The following SEMA6D variants were observed in gnomAD, a reference collection of about 807,000 sequenced individuals.
SEMA6D encodes the protein semaphorin-6D.
In SEMA6D, 35 loss-of-function variants were observed where a neutral mutation model predicts 106.6. The ratio of observed to expected loss-of-function variants is 0.33; its 90% CI spans 0.25 to 0.44. The LOEUF (loss-of-function observed/expected upper bound fraction) is 0.44. SEMA6D is among the 20% of genes least tolerant of loss of function. The pLI, the probability that SEMA6D is intolerant of heterozygous loss-of-function variation, is 1.00. For missense variants in SEMA6D, 1,185 were observed against 1,345.9 expected (o/e 0.88, Z 1.87); for synonymous variants, 499 against 487.7 (o/e 1.02, Z -0.31).
At chr15:47,636,055 A>G (rs2077382889) in intron 4 of SEMA6D, among the ~76,000 whole-genome samples, 2 of 152,172 alleles carry the variant, frequency 1.3e-5, no homozygotes, top group East Asian at 1.9e-4. Context: ...AATGTTCAAC[A>G]TACATAGATT....
intron 3 of SEMA6D, among the ~76,000 whole-genome samples, chr15:47,571,101 G>A (rs1462407590): frequency 6.6e-6 from 1 of 152,066 alleles, no homozygotes; most frequent in African/African-American, 2.4e-5. Flanking sequence ...CTGCCTGCCT[G>A]CAAGCTGTGT....
chr15:47,237,184 T>A (rs2032603875), intron 1 of SEMA6D, among the ~76,000 whole-genome samples: 1 of 152,204 alleles, frequency 6.6e-6, no homozygotes, highest in Non-Finnish European at 1.5e-5. Flanking sequence ...GTTCTCACTG[T>A]GGTCATACTT....
At position 47,210,037 on chromosome 15, in the gene SEMA6D, A is replaced by C. The variant is rs1255413092; in HGVS notation, c.-239+25619A>C. ...AATGATATAAGAAGTCTTTACTTCC[A>C]ATAGATGTCCTATTTCTGGAAAGAT... On this transcript the variant is annotated intron_variant, in intron 1 of 19. Transcript: ENST00000558014. Among the ~76,000 whole-genome samples the C allele has an allele frequency of 5.9e-5, 9 of 152,216 alleles. No individual in the cohort carries two copies. In the East Asian group the frequency reaches 1.7e-3, roughly 29 times the overall value.
intron 4 of SEMA6D, among the ~76,000 whole-genome samples, chr15:47,626,007 C>T (rs1388887047): frequency 2.0e-5 from 3 of 152,032 alleles, no homozygotes; most frequent in Admixed American, 6.6e-5. Context: ...TATGAAAAGC[C>T]AGGAAGGGGG....
At chr15:47,463,754 C>T (rs2042582653) in intron 2 of SEMA6D, among the ~76,000 whole-genome samples, 1 of 152,178 alleles carries the variant, frequency 6.6e-6, no homozygotes, top group Non-Finnish European at 1.5e-5. Flanking sequence ...ACTTTATTCT[C>T]TCCCAGTTCT....
chr15:47,340,445 C>G (rs2037769597), intron 1 of SEMA6D, among the ~76,000 whole-genome samples: 1 of 152,148 alleles, frequency 6.6e-6, no homozygotes, highest in Non-Finnish European at 1.5e-5. Flanking sequence ...GGGAACCCTC[C>G]AGCCTTTCCA....
chr15:47,453,593 T>C (rs2042256247), intron 2 of SEMA6D, among the ~76,000 whole-genome samples: 1 of 151,986 alleles, frequency 6.6e-6, no homozygotes, highest in Non-Finnish European at 1.5e-5. Context: ...TCCAAATTTA[T>C]GTAGTAACAG....
At chr15:47,567,426 A>C (rs1197550145) in intron 3 of SEMA6D, among the ~76,000 whole-genome samples, 1 of 152,228 alleles carries the variant, frequency 6.6e-6, no homozygotes, top group Non-Finnish European at 1.5e-5. Flanking sequence ...ATGGATGAAA[A>C]AATGATTTTA....
intron 1 of SEMA6D, among the ~76,000 whole-genome samples, chr15:47,376,210 C>T (rs1316932243): frequency 6.6e-6 from 1 of 152,362 alleles, no homozygotes; most frequent in Non-Finnish European, 1.5e-5. Context: ...CCTGGCAGAT[C>T]TGCACCCCTT....
chr15:47,465,484 G>A (rs918103936), intron 2 of SEMA6D, among the ~76,000 whole-genome samples: 8 of 152,126 alleles, frequency 5.3e-5, no homozygotes, highest in Admixed American at 1.3e-4. Flanking sequence ...TGTTCTAAAC[G>A]CAGTTGATAT....
chr15:47,251,112 A>G (rs1308156932), intron 1 of SEMA6D, among the ~76,000 whole-genome samples: 1 of 152,206 alleles, frequency 6.6e-6, no homozygotes, highest in African/African-American at 2.4e-5. Context: ...AGAAACCCCC[A>G]ATACAAGAAA....
chr15:47,217,765 AT>A (rs1349376083), intron 1 of SEMA6D, among the ~76,000 whole-genome samples: 1 of 151,274 alleles, frequency 6.6e-6, no homozygotes, highest in South Asian at 2.1e-4. Context: ...TATATTAAAA[AT>A]ATATATATTT....
chr15:47,732,788 A>G (rs1480723076), intron 1 of SEMA6D, among the ~76,000 whole-genome samples: 2 of 152,034 alleles, frequency 1.3e-5, no homozygotes, highest in Non-Finnish European at 2.9e-5. Context: ...TGATTAGGCA[A>G]TTAAAAAAAA....
At chr15:47,308,504 TA>T (rs2036316980) in intron 1 of SEMA6D, among the ~76,000 whole-genome samples, 1 of 152,182 alleles carries the variant, frequency 6.6e-6, no homozygotes, top group Admixed American at 6.6e-5. Context: ...AGAACCTTCT[TA>T]AGTAAGCCAA....
chr15:47,301,780 C>G lies in SEMA6D; in HGVS notation c.-238-110613C>G, dbSNP rs17358561. 5.4e-3 allele frequency among the ~76,000 whole-genome samples: 826 copies of G among 152,292 alleles called. 4 individuals are homozygous for G. The highest frequency in any genetic ancestry group is 8.6e-3 in the Admixed American group (132 of 15,286). On this transcript the variant is annotated intron_variant, in intron 1 of 19. Transcript: ENST00000558014. ...AGGGCAATTCTCTTAAAAATAGCTC[C>G]AGGGTTTGTGCCACAGCATACTGAT...
chr15:47,321,348 G>A (rs1321577630), intron 1 of SEMA6D, among the ~76,000 whole-genome samples: 2 of 151,986 alleles, frequency 1.3e-5, no homozygotes, highest in Admixed American at 1.3e-4. Context: ...TATTTTATTT[G>A]GACACTTTAG....
At chr15:47,602,123 A>G (rs11070599) in intron 4 of SEMA6D, among the ~76,000 whole-genome samples, 36,600 of 152,094 alleles carry the variant, frequency 0.24, 5,269 homozygotes, top group East Asian at 0.46. Flanking sequence ...TTGGATCACA[A>G]ACCTGCTTTA....
chr15:47,356,079 T>A (rs2038553879), intron 1 of SEMA6D, among the ~76,000 whole-genome samples: 2 of 152,224 alleles, frequency 1.3e-5, no homozygotes. Context: ...TTATTCCCAT[T>A]TTACTCAGTC....
chr15:47,487,939 G>C (rs2043346014), intron 3 of SEMA6D, among the ~76,000 whole-genome samples: 1 of 151,988 alleles, frequency 6.6e-6, no homozygotes, highest in Admixed American at 6.6e-5. Flanking sequence ...GTGGTTAGAG[G>C]CAAGAATCTA....
Sources: allele counts gnomAD v4.1 joint callset (sites outside exome capture counted in the v4.1 genomes callset), GRCh38; gene constraint gnomAD v4.1.1; transcripts MANE v1.5; gene names NCBI Gene and HGNC (gene_info 2026-07-23, HGNC 2026-07-21).